LIMS2: variants seen among roughly 807,000 people sequenced by gnomAD.
The protein encoded by LIMS2 is LIM and senescent cell antigen-like-containing domain protein 2.
LIMS2 carries 30 observed loss-of-function variants against 45.3 expected under a neutral mutation model. The observed-to-expected ratio is 0.66, with a 90% CI of 0.50 to 0.90. The LOEUF (loss-of-function observed/expected upper bound fraction) is 0.90, where lower values mean the gene tolerates loss of function less well. Among genes scored for constraint, LIMS2 ranks in the 40% least tolerant of loss-of-function variants. LIMS2 has a pLI of 0.00. For synonymous variants in LIMS2, 173 were observed against 188.0 expected, an observed-to-expected ratio of 0.92 and a Z score of 0.65; for missense variants, 485 against 468.7, an observed-to-expected ratio of 1.03 and a Z score of -0.32.
At chr2:127,649,772 G>A (rs559364593) in intron 4 of LIMS2, among the ~76,000 whole-genome samples, 1 of 152,344 alleles carries the variant, frequency 6.6e-6, no homozygotes, top group African/African-American at 2.4e-5. Context: ...ACTGTCACAG[G>A]GCTCTGCACT....
Position 127,642,464 on chromosome 2 carries a change from C to T in LIMS2, c.510-265G>A, listed in dbSNP as rs956682457. The stretch of plus-strand genomic sequence containing the variant: ...GAGAAGCAGGTCTGTTCTTGGGCCC[C>T]CCTCCTCCTCCAAACCAGAGGGGGT... On this transcript the variant is annotated intron_variant, in intron 5 of 9. Transcript: ENST00000355119. This position sits in a 1 kb window ranked among gnomAD's most constrained non-coding sequence, Gnocchi z 5.3. 18 of 422,086 alleles carry T rather than the reference C, an allele frequency of 4.3e-5. No homozygotes were observed. Among genetic ancestry groups the T allele is most frequent in the Non-Finnish European group, 3.4e-5 (8 of 238,320 alleles). 26.1% of individuals were successfully genotyped at this position (422,086 alleles called of 1,614,324 possible).
Position 127,661,459 on chromosome 2 carries a change from G to A in LIMS2, c.12-3897C>T, listed in dbSNP as rs563331581. On this transcript the variant is annotated intron_variant, in intron 1 of 9. Transcript: ENST00000355119. ...AGGGGAAGGCCTGCAGGCTGCCTGC[G>A]GTCCCTGCGAGAGGTCAGAGGGTCA... is the stretch of plus-strand genomic sequence containing the variant. Among the ~76,000 whole-genome samples the A allele has an allele frequency of 5.3e-5, 8 of 152,330 alleles. No homozygotes were observed. In the South Asian group the frequency reaches 1.5e-3, roughly 28 times the overall value.
chr2:127,645,179 C>T (rs909407274), intron 4 of LIMS2, among the ~76,000 whole-genome samples: 2 of 152,172 alleles, frequency 1.3e-5, no homozygotes, highest in Non-Finnish European at 2.9e-5. Flanking sequence ...TCTTCATTTG[C>T]CTGAGCCTCA....
At chr2:127,679,779 G>A (rs1259532038), upstream of LIMS2, among the ~76,000 whole-genome samples, 1 of 152,142 alleles carries the variant, frequency 6.6e-6, no homozygotes, top group Non-Finnish European at 1.5e-5. The surrounding 1 kb of genome is among the most constrained non-coding windows in gnomAD (Gnocchi z 5.3). Context: ...GCCTCAATGA[G>A]CCTCCGCCAA....
chr2:127,638,937 G>A lies in LIMS2; in HGVS notation c.*344C>T, dbSNP rs935968831. ...ACAGGACAGCATGAGCCACTGAGCC[G>A]CCTGGGGAGGGCCAGGCCAGGCGGG... On this transcript the variant is annotated 3_prime_UTR_variant, in exon 10 of 10. Transcript: ENST00000355119. 59 of 286,802 alleles carry A rather than the reference G, an allele frequency of 2.1e-4. 2 individuals carry two copies. Among genetic ancestry groups the A allele is most frequent in the South Asian group, 7.0e-4 (17 of 24,238 alleles). 17.8% of individuals were successfully genotyped at this position (286,802 alleles called of 1,614,324 possible).
In LIMS2 at chr2:127,642,044, C is replaced by T. The variant is rs1403474906; in HGVS notation, c.660+5G>A. On this transcript the variant is annotated splice_donor_5th_base_variant and intron_variant, in intron 6 of 9. Transcript: ENST00000355119. This position sits in a 1 kb window ranked among gnomAD's most constrained non-coding sequence, Gnocchi z 5.3. Reference sequence around the variant, plus strand: ...TGAGGCCACGTGTCCACCAGCCTGGCTCACCTCCACGTGCCACTGCTTGCC... The same window carrying T: ...TGAGGCCACGTGTCCACCAGCCTGGTTCACCTCCACGTGCCACTGCTTGCC... The T allele has an allele frequency of 1.9e-6, 3 of 1,610,628 alleles. No homozygotes were observed. Among genetic ancestry groups the T allele is most frequent in the Non-Finnish European group, 2.5e-6 (3 of 1,178,938 alleles).
At chr2:127,660,100 T>C (rs1336683027) in intron 1 of LIMS2, among the ~76,000 whole-genome samples, 6 of 152,180 alleles carry the variant, frequency 3.9e-5, no homozygotes, top group African/African-American at 9.7e-5. Flanking sequence ...TTGGAGAACT[T>C]TTCTGTCTAG....
rs994561790 is a variant in LIMS2 at position 127,653,326 on chromosome 2, G to C, written c.359+1098C>G. ...GCTGCCTCTCACTGATACAGGGGAC[G>C]CATGCAGAGGCAGCCTTGGTGGTCA... On this transcript the variant is annotated intron_variant, in intron 4 of 9. Coordinates refer to ENST00000355119, the MANE Select transcript of LIMS2 (RefSeq NM_001161403.3). The surrounding 1 kb of genome is among the most constrained non-coding windows in gnomAD (Gnocchi z 5.3). 6.6e-6 allele frequency among the ~76,000 whole-genome samples: 1 copy of C among 152,144 alleles called. No individual in the cohort carries two copies. Among genetic ancestry groups the C allele is most frequent in the Non-Finnish European group, 1.5e-5 (1 of 68,024 alleles).
At chr2:127,677,709 C>T (rs115687454), upstream of LIMS2, among the ~76,000 whole-genome samples, 802 of 152,290 alleles carry the variant, frequency 5.3e-3, 7 homozygotes, top group African/African-American at 0.018. The surrounding 1 kb of genome is among the most constrained non-coding windows in gnomAD (Gnocchi z 5.0). Context: ...CAAAGACAGA[C>T]ACAACACTCT....
chr2:127,639,130 G>A lies in LIMS2; in HGVS notation c.*151C>T, dbSNP rs541694753. ...AGAGGAGAGACATGGGGAAGGCAGA[G>A]ATGAGGGAACAGGAAGGGAGAAGGC... On this transcript the variant is annotated 3_prime_UTR_variant, in exon 10 of 10. Coordinates refer to ENST00000355119, the MANE Select transcript of LIMS2 (RefSeq NM_001161403.3). 448 of 802,284 alleles carry A rather than the reference G, an allele frequency of 5.6e-4. 2 individuals carry two copies. The African/African-American group carries it at 6.8e-3, about 12-fold the overall frequency. The allele number at this position is 802,284 out of a possible 1,614,324, so 49.7% of individuals were successfully genotyped here.
intron 4 of LIMS2, 37 bp from the exon 5 acceptor site, chr2:127,643,109 C>T: frequency 2.6e-6 from 4 of 1,540,564 alleles, no homozygotes; most frequent in Non-Finnish European, 3.5e-6. Context: ...AGAGCCCCCA[C>T]TCCCACACAG....
chr2:127,665,449 G>T (rs1410158221), intron 1 of LIMS2, among the ~76,000 whole-genome samples: 1 of 152,174 alleles, frequency 6.6e-6, no homozygotes, highest in Admixed American at 6.5e-5. Context: ...CCAACAGGAG[G>T]AGGTACTCAT....
chr2:127,640,992 C>T lies in LIMS2; in HGVS notation c.661-4G>A. Reference sequence around the variant, plus strand: ...CACACTTGGCACAGACAAAGTGCTGCAAGGACAAAGGGCGGGCCGGGTGGC... The same window carrying T: ...CACACTTGGCACAGACAAAGTGCTGTAAGGACAAAGGGCGGGCCGGGTGGC... On this transcript the variant is annotated splice_polypyrimidine_tract_variant and splice_region_variant and intron_variant, in intron 6 of 9. Coordinates refer to ENST00000355119, the MANE Select transcript of LIMS2 (RefSeq NM_001161403.3). The T allele has an allele frequency of 6.2e-7, 1 of 1,613,556 alleles. No homozygotes were observed. The highest frequency in any genetic ancestry group is 8.5e-7 in the Non-Finnish European group (1 of 1,179,756).
At chr2:127,677,241 G>A (rs764730293), upstream of LIMS2, among the ~76,000 whole-genome samples, 14 of 152,216 alleles carry the variant, frequency 9.2e-5, no homozygotes, top group Non-Finnish European at 2.1e-4. The surrounding 1 kb of genome is among the most constrained non-coding windows in gnomAD (Gnocchi z 5.0). Context: ...TATTTATACC[G>A]CATGGGCACT....
At position 127,640,316 on chromosome 2, in the gene LIMS2, G is replaced by C; in HGVS notation, c.756C>G (p.Leu252=). 1 of 1,612,842 alleles carries C rather than the reference G, an allele frequency of 6.2e-7. No homozygotes were observed. The highest frequency in any genetic ancestry group is 8.5e-7 in the Non-Finnish European group (1 of 1,179,930). Residue 252 remains leucine, a splice_region_variant and synonymous_variant, in exon 8 of 10, where the codon CTC becomes CTG. Coordinates refer to ENST00000355119, the MANE Select transcript of LIMS2 (RefSeq NM_001161403.3). ...TGCAGTTGTAGCAGACGTCCCCGAA[G>C]AGCTGTGGGCCGAGCAGGCTGTCAG... ...LAYCETHYNQ[L]FGDVCYNCSH...
At chr2:127,663,747 C>G (rs918852402) in intron 1 of LIMS2, among the ~76,000 whole-genome samples, 3 of 152,090 alleles carry the variant, frequency 2.0e-5, no homozygotes, top group Non-Finnish European at 2.9e-5. Context: ...GCTGGCCCCT[C>G]GGCACTGCAA....
chr2:127,674,031 T>G, intron 1 of LIMS2: 1 of 406,770 alleles, frequency 2.5e-6, no homozygotes. Context: ...CTATTTTTGG[T>G]TCCTGGGCTG....
chr2:127,649,948 C>T lies in LIMS2; in HGVS notation c.359+4476G>A, dbSNP rs1683545165. The T allele has an allele frequency of 5.8e-6, 8 of 1,384,654 alleles. No homozygotes were observed. The African/African-American group carries it at 8.6e-5, about 15-fold the overall frequency. The allele number at this position is 1,384,654 out of a possible 1,614,324, so 85.8% of individuals were successfully genotyped here. A position where few individuals can be genotyped will look rare whatever the true frequency, so the allele number is the denominator to read the frequency against. Reference sequence around the variant, plus strand: ...TGGATCTACTCTGGGAGAGAAAATACTCCCAGCTGGCCTGATACCCAGGCA... The same window carrying T: ...TGGATCTACTCTGGGAGAGAAAATATTCCCAGCTGGCCTGATACCCAGGCA... On this transcript the variant is annotated intron_variant, in intron 4 of 9. Coordinates refer to ENST00000355119, the MANE Select transcript of LIMS2 (RefSeq NM_001161403.3).
chr2:127,680,099 G>A (rs1002922635), upstream of LIMS2, among the ~76,000 whole-genome samples: 15 of 152,338 alleles, frequency 9.8e-5, no homozygotes, highest in Middle Eastern at 0.01. Context: ...GCCTTCAGCC[G>A]CCTCCTGCGA....
Sources: allele counts gnomAD v4.1 joint callset (sites outside exome capture counted in the v4.1 genomes callset), GRCh38; gene constraint gnomAD v4.1.1; non-coding constraint Gnocchi (gnomAD v3.1); transcripts MANE v1.5; gene names NCBI Gene and HGNC (gene_info 2026-07-23, HGNC 2026-07-21).